DPP6: variants seen among roughly 807,000 people sequenced by gnomAD.
The protein encoded by DPP6 is A-type potassium channel modulatory protein DPP6.
A neutral mutation model predicts 122.6 loss-of-function variants in DPP6; 69 were observed. The ratio of observed to expected loss-of-function variants is 0.56; its 90% CI spans 0.46 to 0.69. The LOEUF is 0.69. DPP6 is among the 30% of genes least tolerant of loss of function. The pLI is 0.00. For missense variants in DPP6, 928 were observed against 1,116.9 expected (o/e 0.83, Z 2.41); for synonymous variants, 418 against 433.1 (o/e 0.97, Z 0.43).
intron 1 of DPP6, among the ~76,000 whole-genome samples, chr7:153,935,368 A>T (rs1183733765): frequency 6.6e-6 from 1 of 152,066 alleles, no homozygotes; most frequent in East Asian, 1.9e-4. Context: ...TCAGCTGGAA[A>T]GTAGACAACT....
rs1808936000 is a variant in DPP6 at position 154,331,471 on chromosome 7, C to T, written c.244-114743C>T. The stretch of plus-strand genomic sequence containing the variant: ...AGAACTCACCTTTGTAAATGAGCCA[C>T]TCAGGCTTTTGATTTTGTGGCCCTT... On this transcript the variant is annotated intron_variant, in intron 1 of 25. Coordinates refer to ENST00000377770, the MANE Select transcript of DPP6 (RefSeq NM_130797.4). 5.9e-5 allele frequency among the ~76,000 whole-genome samples: 9 copies of T among 152,218 alleles called. 1 individual carries two copies. The highest frequency in any genetic ancestry group is 4.6e-4 in the Admixed American group (7 of 15,286).
chr7:154,703,385 G>A (rs563773727), intron 7 of DPP6, among the ~76,000 whole-genome samples: 17 of 152,232 alleles, frequency 1.1e-4, no homozygotes, highest in Admixed American at 2.0e-4. Context: ...TTGGGAGGCC[G>A]AGGCAGGCAG....
chr7:154,793,900 G>A, intron 10 of DPP6, 179 bp from the exon 11 acceptor site: 24 of 993,440 alleles, frequency 2.4e-5, no homozygotes, highest in Non-Finnish European at 3.3e-5. Flanking sequence ...GCCCCTCAGA[G>A]TCCCGCGCCA....
At chr7:154,739,694 A>T (rs12154778) in intron 8 of DPP6, among the ~76,000 whole-genome samples, 38,615 of 152,186 alleles carry the variant, frequency 0.25, 5,959 homozygotes, top group Non-Finnish European at 0.35. Context: ...TTCAATGCGA[A>T]GGTTCGTAAT....
chr7:154,485,967 G>A (rs1297962088), intron 3 of DPP6, among the ~76,000 whole-genome samples: 1 of 143,634 alleles, frequency 7.0e-6, no homozygotes, highest in African/African-American at 2.6e-5. Context: ...CAACAGTGCT[G>A]GAGAGGATGT....
At chr7:154,331,636 AC>A (rs539559344) in intron 1 of DPP6, among the ~76,000 whole-genome samples, 2 of 152,334 alleles carry the variant, frequency 1.3e-5, no homozygotes, top group East Asian at 3.9e-4. Flanking sequence ...TCAATTTGCC[AC>A]GTGTGTGAGC....
intron 1 of DPP6, among the ~76,000 whole-genome samples, chr7:154,374,481 C>A (rs913021522): frequency 2.6e-5 from 4 of 152,158 alleles, no homozygotes; most frequent in Admixed American, 1.3e-4. Context: ...CCCGCAGGAA[C>A]TGTGCATTCC....
At position 154,618,856 on chromosome 7, in the gene DPP6, T is replaced by C. The variant is rs1044953114; in HGVS notation, c.628-18965T>C. On this transcript the variant is annotated intron_variant, in intron 5 of 25. Coordinates refer to ENST00000377770, the MANE Select transcript of DPP6 (RefSeq NM_130797.4). The surrounding 1 kb of genome is among the most constrained non-coding windows in gnomAD (Gnocchi z 4.1). ...ACTTGCCCAGAGTTACACACTGATATGGTTTAGCTGTGTCCCCACCCAAAT... is the reference window on the plus strand; with the variant it reads ...ACTTGCCCAGAGTTACACACTGATACGGTTTAGCTGTGTCCCCACCCAAAT... Among the ~76,000 whole-genome samples, 1 of 152,238 alleles carries C rather than the reference T, an allele frequency of 6.6e-6. No homozygotes were observed. The highest frequency in any genetic ancestry group is 2.4e-5 in the African/African-American group (1 of 41,456).
intron 8 of DPP6, among the ~76,000 whole-genome samples, chr7:154,762,323 C>T (rs1795610027): frequency 6.6e-6 from 1 of 152,198 alleles, no homozygotes; most frequent in South Asian, 2.1e-4. Context: ...AGCACTGAGG[C>T]TAGTTTTGGA....
rs542317440 is a variant in DPP6 at position 153,893,531 on chromosome 7, C to A, written c.51+5797C>A. Among the ~76,000 whole-genome samples the A allele has an allele frequency of 7.2e-5, 11 of 152,300 alleles. No individual in the cohort carries two copies. In the South Asian group the frequency reaches 2.3e-3, roughly 32 times the overall value. Reference sequence around the variant, plus strand: ...AGAAAGGCTCATGGTTTTAGTTGAACGTTTAAGAACTCCTTCAAGTCCTAA... The same window carrying A: ...AGAAAGGCTCATGGTTTTAGTTGAAAGTTTAAGAACTCCTTCAAGTCCTAA... On this transcript the variant is annotated intron_variant, in intron 1 of 25. Transcript: ENST00000404039.
At chr7:154,535,608 C>T (rs1828183639) in intron 3 of DPP6, among the ~76,000 whole-genome samples, 1 of 151,230 alleles carries the variant, frequency 6.6e-6, no homozygotes, top group Non-Finnish European at 1.5e-5. Flanking sequence ...AAGCCACACC[C>T]TGGTAAAGAA....
chr7:154,841,957 G>T (rs1177537573), intron 16 of DPP6, among the ~76,000 whole-genome samples: 1 of 152,112 alleles, frequency 6.6e-6, no homozygotes, highest in East Asian at 1.9e-4. Context: ...AAACCTGTCG[G>T]CAGTGTTGAC....
At chr7:154,172,497 C>G (rs1797584942) in intron 1 of DPP6, among the ~76,000 whole-genome samples, 1 of 152,148 alleles carries the variant, frequency 6.6e-6, no homozygotes, top group South Asian at 2.1e-4. Context: ...CCAAAACTTT[C>G]AATCTTGGTC....
chr7:154,147,446 TTTCCTTCCTTCCTTCCTTCCTTCCTTCC>T (rs200682495), intron 1 of DPP6, among the ~76,000 whole-genome samples: 1 of 142,968 alleles, frequency 7.0e-6, no homozygotes, highest in African/African-American at 2.7e-5. Flanking sequence ...ACTTTATTCA[TTTCCTTCCTTCCTTCCTTCCTTCCTTCC>T]TTCCTTCCTT....
At chr7:154,402,861 A>G (rs996185569) in intron 1 of DPP6, among the ~76,000 whole-genome samples, 6 of 152,192 alleles carry the variant, frequency 3.9e-5, no homozygotes, top group African/African-American at 1.4e-4. Flanking sequence ...GGAAAGCAAT[A>G]AGGCTGAATA....
chr7:153,868,280 A>G, the DPP6 span, among the ~76,000 whole-genome samples: 1 of 151,964 alleles, frequency 6.6e-6, no homozygotes, highest in Admixed American at 6.6e-5. Flanking sequence ...CCATCTGGTC[A>G]TGGACTTTTT....
intron 3 of DPP6, among the ~76,000 whole-genome samples, chr7:154,500,332 G>A (rs1825124636): frequency 6.6e-6 from 1 of 152,118 alleles, no homozygotes; most frequent in African/African-American, 2.4e-5. Context: ...TTTTGTTATG[G>A]GAATTTTGTC....
chr7:153,814,770 C>T, the DPP6 span, among the ~76,000 whole-genome samples: 25 of 152,060 alleles, frequency 1.6e-4, no homozygotes, highest in East Asian at 9.7e-4. Context: ...ATGATCAAGT[C>T]GGCTTCATCC....
chr7:154,372,813 G>T (rs115563890), intron 1 of DPP6, among the ~76,000 whole-genome samples: 1 of 152,078 alleles, frequency 6.6e-6, no homozygotes, highest in African/African-American at 2.4e-5. Flanking sequence ...AGTGTAAGTC[G>T]GCATACAGGG....
Sources: allele counts gnomAD v4.1 joint callset (sites outside exome capture counted in the v4.1 genomes callset), GRCh38; gene constraint gnomAD v4.1.1; non-coding constraint Gnocchi (gnomAD v3.1); transcripts MANE v1.5; gene names NCBI Gene and HGNC (gene_info 2026-07-23, HGNC 2026-07-21).